MTMR1: variants seen among roughly 807,000 people sequenced by gnomAD.
MTMR1 encodes myotubularin related protein 1.
In MTMR1, 17 loss-of-function variants were observed where a neutral mutation model predicts 51.6. The observed-to-expected ratio is 0.33, with a 90% confidence interval of 0.23 to 0.49. The LOEUF (loss-of-function observed/expected upper bound fraction) is 0.49, where lower values mean the gene tolerates loss of function less well. MTMR1 is among the 20% of genes least tolerant of loss of function. The probability of loss-of-function intolerance (pLI) is 0.99; values close to 1 mark genes in which losing one functional copy is unlikely to be tolerated. For missense variants in MTMR1, 386 were observed against 526.9 expected, an observed-to-expected ratio of 0.73 and a Z score of 2.62; for synonymous variants, 201 against 205.6, an observed-to-expected ratio of 0.98 and a Z score of 0.19.
intron 14 of MTMR1, among the ~76,000 whole-genome samples, chrX:150,752,829 T>A (rs1414715390): frequency 9.0e-6 from 1 of 110,903 alleles, no homozygotes; most frequent in Non-Finnish European, 1.9e-5. Context: ...TTTGTAGCGA[T>A]TGGGGTCTTG....
intron 14 of MTMR1, chrX:150,751,292 A>C: frequency 1.5e-6 from 1 of 655,499 alleles, no homozygotes; most frequent in Non-Finnish European, 1.9e-6. Context: ...CAGTTACCAA[A>C]CTTCTCAGAG....
intron 14 of MTMR1, among the ~76,000 whole-genome samples, chrX:150,754,383 T>C (rs1490048268): frequency 7.1e-5 from 8 of 113,017 alleles, no homozygotes; most frequent in Non-Finnish European, 1.1e-4. Context: ...TGAATGTTCC[T>C]GTATTTAGAT....
chrX:150,751,231 C>A, intron 14 of MTMR1: 1 of 787,450 alleles, frequency 1.3e-6, no homozygotes. Context: ...AGCCAAAAAG[C>A]CCACTTTAGG....
intron 4 of MTMR1, among the ~76,000 whole-genome samples, chrX:150,721,465 T>C (rs1557416575): frequency 8.9e-6 from 1 of 112,007 alleles, no homozygotes; most frequent in Non-Finnish European, 1.9e-5. Flanking sequence ...AGTAGTTATA[T>C]GACTGTTTAG....
intron 15 of MTMR1, among the ~76,000 whole-genome samples, chrX:150,757,648 G>A (rs1182044832): frequency 1.8e-5 from 2 of 111,803 alleles, no homozygotes; most frequent in Non-Finnish European, 3.8e-5. Flanking sequence ...CAGATCCCCC[G>A]TGTGAATGAG....
chrX:150,759,853 G>A (rs1375805799), intron 15 of MTMR1, among the ~76,000 whole-genome samples: 1 of 109,629 alleles, frequency 9.1e-6, no homozygotes, highest in African/African-American at 3.3e-5. Flanking sequence ...CCACGACGTA[G>A]AGAATGAGGG....
Position 150,732,623 on chromosome X carries a change from T to G in MTMR1, c.973T>G (p.Cys325Gly), listed in dbSNP as rs782563617. 5 of 1,211,547 alleles carry G rather than the reference T, an allele frequency of 4.1e-6. No homozygotes were observed. In the South Asian group the frequency reaches 8.8e-5, roughly 21 times the overall value. Residue 325 changes from cysteine to glycine, a missense_variant, in exon 10 of 16, where the codon TGC (cysteine) becomes GGC (glycine). Cys to Gly is a radical substitution (Grantham distance 159, BLOSUM62 -3). Transcript: ENST00000445323. Reference protein sequence around the residue: ...QPLVGPNDKRCKEDEKYLQTI... With the variant: ...QPLVGPNDKRGKEDEKYLQTI... ...ACTTGTGGGTCCCAATGATAAGCGCTGCAAAGAGGATGAAAAATACTTGCA... is the reference window on the plus strand; with the variant it reads ...ACTTGTGGGTCCCAATGATAAGCGCGGCAAAGAGGATGAAAAATACTTGCA...
upstream of MTMR1, chrX:150,693,319 C>A (rs2040539873): frequency 9.1e-6 from 3 of 330,971 alleles, no homozygotes; most frequent in South Asian, 1.5e-4. Flanking sequence ...CGGCCCCGCG[C>A]GCCGCCCTCC....
chrX:150,752,092 A>G (rs956717638), intron 14 of MTMR1, among the ~76,000 whole-genome samples: 18 of 108,517 alleles, frequency 1.7e-4, no homozygotes, highest in African/African-American at 5.0e-4. Context: ...AATTTTTTGT[A>G]TGTTTAGTAG....
chrX:150,758,939 C>G (rs1474903344), intron 15 of MTMR1, among the ~76,000 whole-genome samples: 2 of 112,438 alleles, frequency 1.8e-5, no homozygotes, highest in Non-Finnish European at 3.8e-5. Flanking sequence ...CAGATGAGAA[C>G]TGAGTTTGAA....
chrX:150,731,440 C>T, intron 8 of MTMR1, 30 bp from the exon 9 acceptor site: 1 of 1,138,731 alleles, frequency 8.8e-7, no homozygotes, highest in Non-Finnish European at 1.2e-6. Context: ...ATGCATTTCA[C>T]CCTCTTCTTC....
chrX:150,696,006 G>T (rs1030001868), intron 1 of MTMR1, among the ~76,000 whole-genome samples: 5 of 111,718 alleles, frequency 4.5e-5, no homozygotes, highest in Non-Finnish European at 7.5e-5. Context: ...GCTGTGCTGC[G>T]CCCTGAGTTA....
chrX:150,730,732 T>C, intron 8 of MTMR1, 124 bp downstream of exon 8: 1 of 341,399 alleles, frequency 2.9e-6, no homozygotes, highest in Non-Finnish European at 5.2e-6. Flanking sequence ...GTTTAACTGC[T>C]AGCTTATAGG....
Position 150,762,886 on chromosome X carries a change from T to G in MTMR1, c.*157T>G. On this transcript the variant is annotated 3_prime_UTR_variant, in exon 16 of 16. Transcript: ENST00000445323. ...GACAGCTCCCACTGTTGGCAACCGT[T>G]ACCCTCCTGTCAGCGGTTTCACAGG... The G allele has an allele frequency of 1.7e-6, 1 of 599,641 alleles. No individual in the cohort carries two copies. The highest frequency in any genetic ancestry group is 2.3e-6 in the Non-Finnish European group (1 of 425,971). The allele number at this position is 599,641 out of a possible 1,213,427, so 49.4% of individuals were successfully genotyped here. A position where few individuals can be genotyped will look rare whatever the true frequency, so the allele number is the denominator to read the frequency against.
At chrX:150,697,121 C>G (rs1240179088) in intron 1 of MTMR1, among the ~76,000 whole-genome samples, 1 of 112,052 alleles carries the variant, frequency 8.9e-6, no homozygotes, top group African/African-American at 3.2e-5. Flanking sequence ...GGCATTATGA[C>G]AAGAAAAGTA....
At chrX:150,758,516 G>A (rs782614102) in intron 15 of MTMR1, among the ~76,000 whole-genome samples, 6 of 111,794 alleles carry the variant, frequency 5.4e-5, no homozygotes, top group East Asian at 2.8e-4. Flanking sequence ...ATTTCTGGCC[G>A]GGCACAGTAA....
Position 150,708,710 on chromosome X carries a change from GCA to G in MTMR1, c.253-3629_253-3628del, listed in dbSNP as rs1208305542. On this transcript the variant is annotated intron_variant, in intron 2 of 15. Transcript: ENST00000445323. ...TGTGGGGCATGTGAAAATAGTTGTG[GCA>G]CAAGTTGGGGCAGCTGAGACTCATC... 3.6e-5 allele frequency among the ~76,000 whole-genome samples: 4 copies of G among 110,953 alleles called. No individual in the cohort carries two copies. In the East Asian group the frequency reaches 1.1e-3, roughly 31 times the overall value.
At chrX:150,746,603 G>A (rs182938237) in intron 13 of MTMR1, among the ~76,000 whole-genome samples, 1 of 112,537 alleles carries the variant, frequency 8.9e-6, no homozygotes, top group African/African-American at 3.2e-5. Context: ...GCACCATTTC[G>A]GTGGATGTGA....
chrX:150,709,820 G>A (rs2041246321), intron 2 of MTMR1, among the ~76,000 whole-genome samples: 1 of 111,823 alleles, frequency 8.9e-6, no homozygotes, highest in African/African-American at 3.3e-5. Flanking sequence ...CCCCCATGAC[G>A]CAAACACCTC....
Sources: allele counts gnomAD v4.1 joint callset (sites outside exome capture counted in the v4.1 genomes callset), GRCh38; gene constraint gnomAD v4.1.1; transcripts MANE v1.5; gene names NCBI Gene and HGNC (gene_info 2026-07-23, HGNC 2026-07-21).